The following NID1 variants were observed in gnomAD, a reference collection of about 807,000 sequenced individuals.
NID1 encodes the protein nidogen-1.
A neutral mutation model predicts 130.6 loss-of-function variants in NID1; 76 were observed. That is an observed-to-expected ratio of 0.58 (90% CI 0.48 to 0.70). NID1 has a LOEUF of 0.70. Among genes scored for constraint, NID1 ranks in the 30% least tolerant of loss-of-function variants. NID1 has a pLI of 0.00. For synonymous variants in NID1, 665 were observed against 675.1 expected (o/e 0.98, Z 0.23); for missense variants, 1,517 against 1,664.8 (o/e 0.91, Z 1.54).
rs574189031 is a variant in NID1, at chr1:235,997,278, T to C, written c.2528-3406A>G. On this transcript the variant is annotated intron_variant, in intron 12 of 19. Transcript: ENST00000264187. ...TCTCTGTTACGACTACGCAACTCTGTGGTTGTAGCATGAAAGCAACCATGT... is the reference window on the plus strand; with the variant it reads ...TCTCTGTTACGACTACGCAACTCTGCGGTTGTAGCATGAAAGCAACCATGT... Among the ~76,000 whole-genome samples the C allele has an allele frequency of 1.3e-4, 20 of 152,316 alleles. No individual in the cohort carries two copies. The South Asian group carries it at 2.3e-3, about 17-fold the overall frequency.
intron 8 of NID1, among the ~76,000 whole-genome samples, chr1:236,024,527 A>T (rs1178517343): frequency 6.6e-6 from 1 of 152,182 alleles, no homozygotes; most frequent in Admixed American, 6.5e-5. Context: ...AACCTAAAAT[A>T]CCTACTATCT....
intron 8 of NID1, among the ~76,000 whole-genome samples, chr1:236,024,742 A>G (rs1271264225): frequency 1.3e-5 from 2 of 152,216 alleles, no homozygotes; most frequent in African/African-American, 4.8e-5. Flanking sequence ...CCAATTACAC[A>G]GGACCCCTGA....
chr1:235,977,648 G>A lies in NID1; in HGVS notation c.*219C>T, dbSNP rs1017081875. 6 of 530,564 alleles carry A rather than the reference G, an allele frequency of 1.1e-5. No homozygotes were observed. The highest frequency in any genetic ancestry group is 1.4e-5 in the Non-Finnish European group (4 of 295,048). 32.9% of individuals were successfully genotyped at this position (530,564 alleles called of 1,614,324 possible). ...TGTCTGAGGGTTGGGGGTAGGGGTG[G>A]AGGGTTCTGTCCTTGTGTAGGGGTG... On this transcript the variant is annotated 3_prime_UTR_variant, in exon 20 of 20. Coordinates refer to ENST00000264187, the MANE Select transcript of NID1 (RefSeq NM_002508.3).
chr1:236,038,277 A>G (rs1659321477), intron 4 of NID1, 24 bp from the exon 5 acceptor site: 1 of 1,599,924 alleles, frequency 6.3e-7, no homozygotes, highest in Non-Finnish European at 8.6e-7. Flanking sequence ...ACAATTGCAC[A>G]CCTGTAAGCA....
chr1:236,001,683 C>T (rs1184406201), intron 12 of NID1, among the ~76,000 whole-genome samples: 2 of 152,292 alleles, frequency 1.3e-5, no homozygotes, highest in East Asian at 3.9e-4. Flanking sequence ...TCTCACAGGG[C>T]TAGAGAGGAA....
At chr1:236,042,606 G>A (rs1442581467) in intron 3 of NID1, among the ~76,000 whole-genome samples, 1 of 152,234 alleles carries the variant, frequency 6.6e-6, no homozygotes, top group African/African-American at 2.4e-5. Context: ...CTGGTTACAT[G>A]CTCTACCTTA....
rs1218240914 is a variant in NID1 at position 235,979,267 on chromosome 1, A to G, written c.3510-160T>C. Reference sequence around the variant, plus strand: ...TCCCTTCCTTCCCCTGGGGTGGGTCAAGCCTGCATTTCTCTGGCTTTTTAC... The same window carrying G: ...TCCCTTCCTTCCCCTGGGGTGGGTCGAGCCTGCATTTCTCTGGCTTTTTAC... On this transcript the variant is annotated intron_variant, in intron 18 of 19. Coordinates refer to ENST00000264187, the MANE Select transcript of NID1 (RefSeq NM_002508.3). This position sits in a 1 kb window ranked among gnomAD's most constrained non-coding sequence, Gnocchi z 4.6. Among the ~76,000 whole-genome samples the G allele has an allele frequency of 6.6e-6, 1 of 152,048 alleles. No individual in the cohort carries two copies. The highest frequency in any genetic ancestry group is 2.4e-5 in the African/African-American group (1 of 41,376).
chr1:236,008,033 C>T (rs762897494), intron 12 of NID1, among the ~76,000 whole-genome samples: 10 of 152,194 alleles, frequency 6.6e-5, no homozygotes, highest in Non-Finnish European at 1.0e-4. Context: ...CACACACACA[C>T]GCACACATGC....
chr1:236,062,073 G>T (rs1406977161), intron 1 of NID1, among the ~76,000 whole-genome samples: 1 of 152,166 alleles, frequency 6.6e-6, no homozygotes, highest in African/African-American at 2.4e-5. Context: ...TCCAGTCCTA[G>T]GTATATACCC....
chr1:236,013,089 A>T (rs970785204), intron 11 of NID1, among the ~76,000 whole-genome samples: 2 of 152,206 alleles, frequency 1.3e-5, no homozygotes. Context: ...ATCTCCATGC[A>T]TGTCCTCCAT....
At chr1:236,024,696 G>A (rs1386967222) in intron 8 of NID1, among the ~76,000 whole-genome samples, 2 of 151,952 alleles carry the variant, frequency 1.3e-5, no homozygotes, top group Non-Finnish European at 2.9e-5. Context: ...AAAGACAACC[G>A]AAAAAAGGGA....
intron 14 of NID1, among the ~76,000 whole-genome samples, chr1:235,987,695 G>A (rs1657613928): frequency 6.6e-6 from 1 of 152,114 alleles, no homozygotes; most frequent in Admixed American, 6.5e-5. Context: ...CCTGGGAGTG[G>A]GTTCTTGGTC....
At chr1:235,978,958 C>T (rs375773240) in intron 19 of NID1, 37 bp downstream of exon 19, 1 of 1,438,508 alleles carries the variant, frequency 7.0e-7, no homozygotes, top group Non-Finnish European at 9.8e-7. Flanking sequence ...CTCCATGTGC[C>T]CCCAGTATGC....
At chr1:236,000,201 G>A in intron 12 of NID1, among the ~76,000 whole-genome samples, 1 of 138,508 alleles carries the variant, frequency 7.2e-6, no homozygotes, top group Admixed American at 6.8e-5. Flanking sequence ...GTGACAGAGC[G>A]AGACTCTATC....
intron 14 of NID1, among the ~76,000 whole-genome samples, chr1:235,989,318 C>T (rs1485936545): frequency 2.0e-5 from 3 of 151,590 alleles, no homozygotes; most frequent in Non-Finnish European, 4.4e-5. Flanking sequence ...AGCCTCTCCC[C>T]TTGGTCTTGG....
chr1:235,985,137 G>A (rs1300742080), intron 15 of NID1, among the ~76,000 whole-genome samples: 7 of 151,368 alleles, frequency 4.6e-5, no homozygotes, highest in African/African-American at 1.7e-4. Flanking sequence ...AGCTTGCAGT[G>A]AGCCAAGATC....
chr1:235,984,258 T>G (rs1228644880), intron 15 of NID1, among the ~76,000 whole-genome samples: 1 of 152,214 alleles, frequency 6.6e-6, no homozygotes, highest in Non-Finnish European at 1.5e-5. Context: ...TGTTTTTCAC[T>G]AAACCAAAGC....
chr1:236,055,593 T>C lies in NID1; in HGVS notation c.226-6604A>G, dbSNP rs570705271. On this transcript the variant is annotated intron_variant, in intron 1 of 19. Transcript: ENST00000264187. ...TCACTTGAATCCGGGGGGTGGAGGTTGCAGTGAGTCAAGATCACGCCACTG... is the reference window on the plus strand; with the variant it reads ...TCACTTGAATCCGGGGGGTGGAGGTCGCAGTGAGTCAAGATCACGCCACTG... Among the ~76,000 whole-genome samples, 4 of 151,894 alleles carry C rather than the reference T, an allele frequency of 2.6e-5. No individual in the cohort carries two copies. The East Asian group carries it at 5.8e-4, about 22-fold the overall frequency.
chr1:236,007,501 G>T (rs1658284894), intron 12 of NID1, among the ~76,000 whole-genome samples: 1 of 152,108 alleles, frequency 6.6e-6, no homozygotes, highest in African/African-American at 2.4e-5. Context: ...GAGACTGATG[G>T]TATCAACAGA....
Sources: allele counts gnomAD v4.1 joint callset (sites outside exome capture counted in the v4.1 genomes callset), GRCh38; gene constraint gnomAD v4.1.1; non-coding constraint Gnocchi (gnomAD v3.1); transcripts MANE v1.5; gene names NCBI Gene and HGNC (gene_info 2026-07-23, HGNC 2026-07-21).